The following NBN variants were observed in gnomAD, a reference collection of about 807,000 sequenced individuals.
NBN encodes the protein nibrin.
NBN carries 88 observed loss-of-function variants against 90.8 expected under a neutral mutation model. The ratio of observed to expected loss-of-function variants is 0.97; its 90% confidence interval spans 0.82 to 1.16. The LOEUF (loss-of-function observed/expected upper bound fraction) is 1.16, where lower values mean the gene tolerates loss of function less well. NBN is among the 50% of genes most tolerant of loss of function. NBN has a pLI of 0.00. For missense variants in NBN, 894 were observed against 869.6 expected (o/e 1.03, Z -0.35); for synonymous variants, 328 against 295.1 (o/e 1.11, Z -1.14).
At chr8:89,954,084 TTAA>T (rs897375108) in intron 10 of NBN, among the ~76,000 whole-genome samples, 1 of 152,052 alleles carries the variant, frequency 6.6e-6, no homozygotes, top group Non-Finnish European at 1.5e-5. Context: ...ATCTGATGGG[TTAA>T]TGAGAGATGG....
intron 4 of NBN, 111 bp downstream of exon 4, chr8:89,980,623 C>A (rs1209572926): frequency 3.4e-6 from 3 of 876,140 alleles, no homozygotes; most frequent in Non-Finnish European, 3.6e-6. Context: ...TATAAATCTA[C>A]AACTAACAGT....
chr8:89,969,753 A>T (rs1381884339), intron 7 of NBN, among the ~76,000 whole-genome samples: 1 of 152,062 alleles, frequency 6.6e-6, no homozygotes, highest in Non-Finnish European at 1.5e-5. Flanking sequence ...GGAGTTTGAG[A>T]CCAGGCTGGC....
chr8:89,982,740 G>T lies in NBN; in HGVS notation c.153C>A (p.Asn51Lys), dbSNP rs876661214. The change falls in exon 2 of 16, where the codon AAC (asparagine) becomes AAA (lysine). Residue 51 changes from asparagine to lysine, a missense_variant. Asn to Lys is a moderately conservative substitution (Grantham distance 94, BLOSUM62 0). Coordinates refer to ENST00000265433, the MANE Select transcript of NBN (RefSeq NM_002485.5). ...AACATACCAGGTTGGTTACAGAAAA[G>T]TTAGCAGTTAACACAGCATGATTTC... ...ISRNHAVLTA[N>K]FSVTNLSQTD... is the part of the protein sequence containing the mutation. The T allele has an allele frequency of 6.2e-7, 1 of 1,613,804 alleles. No homozygotes were observed. The highest frequency in any genetic ancestry group is 8.5e-7 in the Non-Finnish European group (1 of 1,179,914).
At chr8:89,943,651 ATCATT>A (rs1285460776) in intron 13 of NBN, among the ~76,000 whole-genome samples, 5 of 152,194 alleles carry the variant, frequency 3.3e-5, no homozygotes, top group African/African-American at 9.6e-5. Context: ...GCCTTACCTT[ATCATT>A]TAACAATTAA....
intron 12 of NBN, chr8:89,946,612 G>T (rs1005996124): frequency 3.5e-6 from 1 of 288,404 alleles, no homozygotes; most frequent in African/African-American, 2.3e-5. Flanking sequence ...TTTACCTCCA[G>T]ATATATATCT....
intron 11 of NBN, 89 bp from the exon 12 acceptor site, chr8:89,947,981 GT>G (rs1204063539): frequency 4.0e-6 from 3 of 751,006 alleles, no homozygotes; most frequent in African/African-American, 1.8e-5. Context: ...AAGATGAAGT[GT>G]AAAATGGTTC....
Position 89,955,476 on chromosome 8 carries a change from T to C in NBN, c.1204A>G (p.Thr402Ala), listed in dbSNP as rs201373377. Residue 402 changes from threonine to alanine, a missense_variant, in exon 10 of 16, where the codon ACT (threonine) becomes GCT (alanine). Transcript: ENST00000265433. ...KFRMLSQDAP[T>A]VKESCKTSSN... ...CTTGTTTTGCAGGACTCCTTTACAGTGGGTGCATCTTGTGAAAGCATTCTG... is the reference window on the plus strand; with the variant it reads ...CTTGTTTTGCAGGACTCCTTTACAGCGGGTGCATCTTGTGAAAGCATTCTG... 5.6e-6 allele frequency: 9 copies of C among 1,613,662 alleles called. No individual in the cohort carries two copies. In the East Asian group the frequency reaches 2.0e-4, roughly 36 times the overall value.
In NBN at chr8:89,953,632, G is replaced by A. The variant is rs572568222; in HGVS notation, c.1457C>T (p.Ser486Phe). ...TTGTGTTTGTTCTAAAAGAGAACAA[G>A]ACGTTTCTATTCTTGCTGATTTGCA... is the stretch of plus-strand genomic sequence containing the variant. ...SSCKSARIETSCSLLEQTQPA... is the reference protein window; with the variant it reads ...SSCKSARIETFCSLLEQTQPA... The change falls in exon 11 of 16, where the codon TCT (serine) becomes TTT (phenylalanine). Residue 486 changes from serine to phenylalanine, a missense_variant. Physicochemically the swap from Ser to Phe is radical, Grantham distance 155 (BLOSUM62 -2). Coordinates refer to ENST00000265433, the MANE Select transcript of NBN (RefSeq NM_002485.5). The A allele has an allele frequency of 1.2e-5, 19 of 1,612,882 alleles. No individual in the cohort carries two copies. In the South Asian group the frequency reaches 1.9e-4, roughly 16 times the overall value.
intron 8 of NBN, 44 bp from the exon 9 acceptor site, chr8:89,958,898 TAGA>T (rs1810862239): frequency 6.2e-7 from 1 of 1,608,968 alleles, no homozygotes; most frequent in Non-Finnish European, 8.5e-7. Context: ...AACTGCTAGA[TAGA>T]AGATGAACAT....
intron 11 of NBN, among the ~76,000 whole-genome samples, chr8:89,949,082 C>G (rs1251938048): frequency 6.6e-6 from 1 of 152,216 alleles, no homozygotes; most frequent in Non-Finnish European, 1.5e-5. Flanking sequence ...TCTTCTCAAA[C>G]TGCCTTTCAT....
In NBN at chr8:89,964,394, A is replaced by G. The variant is rs1357578872; in HGVS notation, c.994+16T>C. 1.2e-6 allele frequency: 2 copies of G among 1,613,326 alleles called. No homozygotes were observed. Among genetic ancestry groups the G allele is most frequent in the Non-Finnish European group, 8.5e-7 (1 of 1,179,552 alleles). ...ATAAAGTTGCTAACGAATCAATAAA[A>G]TAATGCTTCAATTACCTGTACTGGG... On this transcript the variant is annotated intron_variant, in intron 8 of 15. Transcript: ENST00000265433.
In NBN at chr8:89,982,597, A is replaced by G. The variant is rs869312607; in HGVS notation, c.171+125T>C. ...TAAGTATTTAATTTTGTTAACATTA[A>G]AAAAGTCTACACAGCTCTATAAAAT... is the stretch of plus-strand genomic sequence containing the variant. On this transcript the variant is annotated intron_variant, in intron 2 of 15. Coordinates refer to ENST00000265433, the MANE Select transcript of NBN (RefSeq NM_002485.5). 2 of 878,248 alleles carry G rather than the reference A, an allele frequency of 2.3e-6. No individual in the cohort carries two copies. Among genetic ancestry groups the G allele is most frequent in the Non-Finnish European group, 3.8e-6 (2 of 527,176 alleles). 54.4% of individuals were successfully genotyped at this position (878,248 alleles called of 1,614,324 possible). A position where few individuals can be genotyped will look rare whatever the true frequency, so the allele number is the denominator to read the frequency against.
chr8:89,939,765 T>C (rs1482183433), intron 14 of NBN, among the ~76,000 whole-genome samples: 1 of 152,138 alleles, frequency 6.6e-6, no homozygotes, highest in East Asian at 1.9e-4. Flanking sequence ...ACTAATGGTG[T>C]AGAAGGTAAA....
intron 12 of NBN, among the ~76,000 whole-genome samples, chr8:89,947,135 T>A (rs13312944): frequency 6.6e-6 from 1 of 152,164 alleles, no homozygotes; most frequent in South Asian, 2.1e-4. Flanking sequence ...GCCTAAACTT[T>A]TAGAGTTTAC....
chr8:89,933,999 C>A lies in NBN; in HGVS notation c.*1583G>T, dbSNP rs139384734. 3 of 230,730 alleles carry A rather than the reference C, an allele frequency of 1.3e-5. No homozygotes were observed. The highest frequency in any genetic ancestry group is 6.6e-5 in the African/African-American group (3 of 45,152). The allele number at this position is 230,730 out of a possible 1,614,324, so 14.3% of individuals were successfully genotyped here. ...CCAATATTTGTAAAGACAGGAGGTA[C>A]CAGAACTCTCATTCATTATATTCAT... On this transcript the variant is annotated 3_prime_UTR_variant, in exon 16 of 16. Transcript: ENST00000265433.
chr8:89,948,551 G>A (rs1236640094), intron 11 of NBN, among the ~76,000 whole-genome samples: 1 of 151,750 alleles, frequency 6.6e-6, no homozygotes, highest in Non-Finnish European at 1.5e-5. Context: ...TTACATAAAT[G>A]GGTAATGATT....
chr8:89,940,671 TA>T (rs1312460640), intron 14 of NBN, among the ~76,000 whole-genome samples: 3 of 136,354 alleles, frequency 2.2e-5, no homozygotes, highest in Admixed American at 2.1e-4. Flanking sequence ...AAAAAACAGA[TA>T]AAGAACCTAA....
chr8:89,958,410 G>C (rs1274788275), intron 9 of NBN, among the ~76,000 whole-genome samples: 1 of 152,230 alleles, frequency 6.6e-6, no homozygotes, highest in Non-Finnish European at 1.5e-5. Flanking sequence ...TTCTTGGAAA[G>C]TATCCTTGTC....
Position 89,981,419 on chromosome 8 carries a change from CTTCAAAG to C in NBN, c.269_275del (p.Thr90SerfsTer17). 6.2e-7 allele frequency: 1 copy of C among 1,614,080 alleles called. No homozygotes were observed. ...CTCCAAAAGTAATACCATCCCCCGA[CTTCAAAG>C]TTCGGGAAAAGCCATTCTGCATTTT... On this transcript the variant is annotated frameshift_variant, in exon 3 of 16. Coordinates refer to ENST00000265433, the MANE Select transcript of NBN (RefSeq NM_002485.5). LOFTEE classifies it high-confidence loss of function.
Sources: allele counts gnomAD v4.1 joint callset (sites outside exome capture counted in the v4.1 genomes callset), GRCh38; gene constraint gnomAD v4.1.1; transcripts MANE v1.5; gene names NCBI Gene and HGNC (gene_info 2026-07-23, HGNC 2026-07-21).